Variants in KCNAB1 observed in about 807,000 individuals in gnomAD.
KCNAB1 encodes the protein potassium voltage-gated channel subfamily A regulatory beta subunit 1.
Under a neutral mutation model 64.6 loss-of-function variants are expected in KCNAB1, and 35 were observed. The observed-to-expected ratio is 0.54, with a 90% CI of 0.41 to 0.72. The LOEUF (loss-of-function observed/expected upper bound fraction) is 0.72. KCNAB1 is among the 30% of genes least tolerant of loss of function. The probability of loss-of-function intolerance (pLI) is 0.00; values close to 1 mark genes in which losing one functional copy is unlikely to be tolerated. For missense variants in KCNAB1, 401 were observed against 512.9 expected (o/e 0.78, Z 2.11); for synonymous variants, 177 against 183.8 (o/e 0.96, Z 0.30).
intron 8 of KCNAB1, among the ~76,000 whole-genome samples, chr3:156,498,643 C>T (rs1716170698): frequency 6.6e-6 from 1 of 152,302 alleles, no homozygotes; most frequent in Admixed American, 6.5e-5. Context: ...TGGACTAATA[C>T]ATGACCTAAT....
chr3:156,379,482 A>G (rs1001999443), intron 1 of KCNAB1, among the ~76,000 whole-genome samples: 3 of 152,194 alleles, frequency 2.0e-5, no homozygotes, highest in Admixed American at 1.3e-4. Context: ...AAGGTGACAC[A>G]TGAGCTGGAG....
At chr3:156,362,840 T>C (rs532754037) in intron 1 of KCNAB1, among the ~76,000 whole-genome samples, 7 of 152,376 alleles carry the variant, frequency 4.6e-5, no homozygotes, top group African/African-American at 1.7e-4. Flanking sequence ...TTATCTAAAG[T>C]ATGGTCTTCT....
At chr3:156,332,131 T>C (rs574569488) in intron 1 of KCNAB1, among the ~76,000 whole-genome samples, 87 of 152,318 alleles carry the variant, frequency 5.7e-4, no homozygotes, top group South Asian at 3.9e-3. Flanking sequence ...ATGAATAGTA[T>C]GTGGGGTTTT....
At chr3:156,333,559 G>C (rs948725478) in intron 1 of KCNAB1, among the ~76,000 whole-genome samples, 13 of 151,596 alleles carry the variant, frequency 8.6e-5, no homozygotes, top group Non-Finnish European at 5.9e-5. Flanking sequence ...ATAGTTCCTA[G>C]TTCTTTTCTG....
chr3:156,281,568 G>A (rs890623749), intron 1 of KCNAB1, among the ~76,000 whole-genome samples: 5 of 152,202 alleles, frequency 3.3e-5, no homozygotes, highest in Non-Finnish European at 7.3e-5. Context: ...ATCTCTGGTA[G>A]AATTCGGCTG....
At chr3:156,290,096 G>A (rs564544970) in intron 1 of KCNAB1, among the ~76,000 whole-genome samples, 2 of 152,258 alleles carry the variant, frequency 1.3e-5, no homozygotes, top group African/African-American at 4.8e-5. Context: ...AGAAGTGTGG[G>A]GAATGAATCA....
chr3:156,516,312 T>C lies in KCNAB1; in HGVS notation c.908T>C (p.Ile303Thr). Residue 303 changes from isoleucine to threonine, a missense_variant, in exon 11 of 14, where the codon ATC becomes ACC. Physicochemically the swap from Ile to Thr is moderately conservative, Grantham distance 89. Transcript: ENST00000490337. ...TGGTCTCCACTTGCCTGTGGAATCA[T>C]CTCAGGAAAATACGGAAACGGGGTG... ...MTWSPLACGI[I>T]SGKYGNGVPE... is the part of the protein sequence containing the mutation. 6.2e-7 allele frequency: 1 copy of C among 1,614,112 alleles called. No individual in the cohort carries two copies. Among genetic ancestry groups the C allele is most frequent in the Non-Finnish European group, 8.5e-7 (1 of 1,179,930 alleles).
chr3:156,158,690 G>A (rs1715901491), intron 1 of KCNAB1, among the ~76,000 whole-genome samples: 1 of 152,166 alleles, frequency 6.6e-6, no homozygotes, highest in Non-Finnish European at 1.5e-5. Context: ...CTCTGCATCT[G>A]TGGGCTTTCT....
At chr3:156,476,545 A>AGG (rs1714366219) in intron 8 of KCNAB1, among the ~76,000 whole-genome samples, 2 of 141,004 alleles carry the variant, frequency 1.4e-5, no homozygotes, top group African/African-American at 5.3e-5. Flanking sequence ...ACACACACAC[A>AGG]CGCACACACA....
At chr3:156,526,801 G>A (rs552474800) in intron 12 of KCNAB1, among the ~76,000 whole-genome samples, 1 of 151,618 alleles carries the variant, frequency 6.6e-6, no homozygotes, top group Non-Finnish European at 1.5e-5. Context: ...ATGAAGAAAT[G>A]AGATAAAAGA....
intron 1 of KCNAB1, among the ~76,000 whole-genome samples, chr3:156,175,285 G>A (rs1006710080): frequency 1.3e-5 from 2 of 152,048 alleles, no homozygotes; most frequent in Non-Finnish European, 2.9e-5. Flanking sequence ...CATTGGGCAG[G>A]CATTAGAAAA....
intron 8 of KCNAB1, 149 bp from the exon 9 acceptor site, chr3:156,514,215 A>T: frequency 1.7e-6 from 1 of 578,964 alleles, no homozygotes; most frequent in Non-Finnish European, 3.1e-6. Context: ...TTCCTGTCAG[A>T]CTATAATGTT....
chr3:156,481,139 A>C (rs1178001448), intron 8 of KCNAB1, among the ~76,000 whole-genome samples: 1 of 152,118 alleles, frequency 6.6e-6, no homozygotes, highest in Non-Finnish European at 1.5e-5. Context: ...GATGCACTGC[A>C]TCTCTCTTTA....
chr3:156,485,510 C>T (rs1339621101), intron 8 of KCNAB1, among the ~76,000 whole-genome samples: 1 of 151,446 alleles, frequency 6.6e-6, no homozygotes, highest in Non-Finnish European at 1.5e-5. Flanking sequence ...CTAAAATGTC[C>T]TTTATAGGAT....
intron 8 of KCNAB1, among the ~76,000 whole-genome samples, chr3:156,486,326 C>T (rs976200935): frequency 6.6e-6 from 1 of 152,194 alleles, no homozygotes; most frequent in African/African-American, 2.4e-5. Flanking sequence ...TGGAGCTCCT[C>T]ACTGGCTTCA....
At chr3:156,522,226 A>G (rs957688726) in intron 11 of KCNAB1, among the ~76,000 whole-genome samples, 3 of 151,884 alleles carry the variant, frequency 2.0e-5, no homozygotes, top group African/African-American at 7.3e-5. Context: ...ATTAGTTTTC[A>G]ATCTTTGTTA....
chr3:156,281,012 G>A (rs1310170100), intron 1 of KCNAB1, among the ~76,000 whole-genome samples: 1 of 151,406 alleles, frequency 6.6e-6, no homozygotes, highest in Non-Finnish European at 1.5e-5. Context: ...TTGAATAGGA[G>A]TGGTGAGAGA....
rs372461345 is a variant in KCNAB1, at chr3:156,471,356, AT to A, written c.572-3368del. 9.6e-4 allele frequency among the ~76,000 whole-genome samples: 144 copies of A among 150,612 alleles called. 2 individuals are homozygous for A. The highest frequency in any genetic ancestry group is 8.7e-3 in the Admixed American group (132 of 15,124). ...GAACCTAAAAGAAAAATGGACTTAG[AT>A]TTTTTTTTTACTGTAGTCACTTGAA... On this transcript the variant is annotated intron_variant, in intron 7 of 13. Coordinates refer to ENST00000490337, the MANE Select transcript of KCNAB1 (RefSeq NM_172160.3).
intron 1 of KCNAB1, among the ~76,000 whole-genome samples, chr3:156,263,860 CAGTT>C (rs1253544182): frequency 6.6e-6 from 1 of 152,050 alleles, no homozygotes; most frequent in Non-Finnish European, 1.5e-5. Context: ...TTTCAATCCA[CAGTT>C]GGTTGAATCT....
Sources: allele counts gnomAD v4.1 joint callset (sites outside exome capture counted in the v4.1 genomes callset), GRCh38; gene constraint gnomAD v4.1.1; transcripts MANE v1.5; gene names NCBI Gene and HGNC (gene_info 2026-07-23, HGNC 2026-07-21).